Variants in CFAP184 observed in about 807,000 individuals in gnomAD.
CFAP184 encodes the protein cilia and flagella associated protein 184.
chr4:7,042,762 T>G, the CFAP184 span: 1 of 1,534,290 alleles, frequency 6.5e-7, no homozygotes. Flanking sequence ...CGGCGGTGCC[T>G]CCCTGCGAAG....
chr4:7,042,048 C>T, the CFAP184 span: 2 of 1,611,360 alleles, frequency 1.2e-6, no homozygotes, highest in East Asian at 2.2e-5. Context: ...CGTCTGCCTG[C>T]TGCTTCTTCA....
At chr4:7,042,134 C>T in the CFAP184 span, 6 of 1,606,422 alleles carry the variant, frequency 3.7e-6, no homozygotes, top group Non-Finnish European at 5.1e-6. Flanking sequence ...CCCCGGTCAG[C>T]CACCTCAGCG....
the CFAP184 span, chr4:7,042,971 G>C: frequency 3.6e-6 from 5 of 1,399,798 alleles, no homozygotes; most frequent in South Asian, 6.7e-5. Flanking sequence ...AGCGGACCCC[G>C]GCAGGACGCT....
the CFAP184 span, chr4:7,042,653 C>T: frequency 0.56 from 833,314 of 1,496,654 alleles, 233,979 homozygotes; most frequent in Non-Finnish European, 0.57. Context: ...TCTTCGGGCT[C>T]GGGCTGGGGC....
the CFAP184 span, chr4:7,042,969 C>T: frequency 7.1e-7 from 1 of 1,398,904 alleles, no homozygotes; most frequent in South Asian, 1.7e-5. Flanking sequence ...GCAGCGGACC[C>T]CGGCAGGACG....
At chr4:7,042,663 C>T in the CFAP184 span, 4 of 1,502,836 alleles carry the variant, frequency 2.7e-6, 1 homozygote, top group East Asian at 5.0e-5. Context: ...CGGGCTGGGG[C>T]TCGGCCGGCC....
the CFAP184 span, chr4:7,042,736 T>A: frequency 3.9e-6 from 6 of 1,521,770 alleles, no homozygotes; most frequent in Non-Finnish European, 5.3e-6. Context: ...TTTCGGGGCC[T>A]CGGCCTGCTC....
At chr4:7,041,168 G>C in the CFAP184 span, 2 of 1,470,662 alleles carry the variant, frequency 1.4e-6, no homozygotes, top group East Asian at 4.6e-5. Context: ...ATAGAGTCCC[G>C]TCCCAAATGA....
the CFAP184 span, chr4:7,042,989 T>G: frequency 3.6e-6 from 5 of 1,376,608 alleles, no homozygotes; most frequent in South Asian, 3.7e-5. Flanking sequence ...GCTGTTAGGT[T>G]TCCCGGGGCA....
At chr4:7,042,923 C>A in the CFAP184 span, 1 of 1,502,674 alleles carries the variant, frequency 6.7e-7, no homozygotes, top group Admixed American at 2.0e-5. Flanking sequence ...TTAGTGTGCT[C>A]AGAGCTGACG....
At chr4:7,041,463 G>A in the CFAP184 span, 1 of 1,614,218 alleles carries the variant, frequency 6.2e-7, no homozygotes, top group Non-Finnish European at 8.5e-7. Context: ...TCAGTCTGAT[G>A]TTGTCCGTCC....
the CFAP184 span, chr4:7,041,956 C>T: frequency 5.0e-6 from 8 of 1,612,528 alleles, no homozygotes; most frequent in African/African-American, 4.0e-5. Context: ...CTGGAAGCGT[C>T]GCCACTCCTT....
the CFAP184 span, chr4:7,042,034 A>C: frequency 6.2e-7 from 1 of 1,611,328 alleles, no homozygotes; most frequent in Non-Finnish European, 8.5e-7. Context: ...GTACCACTGC[A>C]GGTCGTCTGC....
At chr4:7,041,670 C>T in the CFAP184 span, 13 of 1,614,194 alleles carry the variant, frequency 8.1e-6, no homozygotes, top group South Asian at 1.3e-4. Flanking sequence ...CATTTCGTTC[C>T]TCAATTTTCT....
chr4:7,042,238 G>A, the CFAP184 span: 1 of 1,600,114 alleles, frequency 6.2e-7, no homozygotes, highest in Non-Finnish European at 8.5e-7. Flanking sequence ...CACCAGCAGG[G>A]AACGGTACTG....
chr4:7,041,985 C>T, the CFAP184 span: 1 of 1,612,490 alleles, frequency 6.2e-7, no homozygotes, highest in South Asian at 1.1e-5. Context: ...TGGTGAGCTT[C>T]TCCTGGCACT....
chr4:7,041,719 T>C, the CFAP184 span: 65 of 1,614,044 alleles, frequency 4.0e-5, no homozygotes, highest in Non-Finnish European at 4.9e-5. Flanking sequence ...CTGTTCAAAG[T>C]CAATAAGAAG....
chr4:7,041,226 C>G, the CFAP184 span: 109 of 1,522,542 alleles, frequency 7.2e-5, no homozygotes, highest in Non-Finnish European at 9.2e-5. Flanking sequence ...CAGGACAGCA[C>G]GTCCTGAGGA....
At chr4:7,041,957 G>A in the CFAP184 span, 1 of 1,612,434 alleles carries the variant, frequency 6.2e-7, no homozygotes, top group African/African-American at 1.3e-5. Context: ...TGGAAGCGTC[G>A]CCACTCCTTC....
Sources: gnomAD v4.1 joint callset for allele counts on GRCh38, gnomAD v4.1.1 for gene constraint, MANE v1.5 for transcripts, NCBI Gene and HGNC (gene_info 2026-07-23, HGNC 2026-07-21) for gene names.